Variants in ARL17B observed in about 807,000 individuals in gnomAD.
ARL17B encodes the protein ADP-ribosylation factor-like protein 17.
intron 4 of ARL17B, among the ~76,000 whole-genome samples, chr17:46,289,067 G>A (rs2049997828): frequency 6.6e-6 from 1 of 152,132 alleles, no homozygotes; most frequent in Non-Finnish European, 1.5e-5. Flanking sequence ...CTATCCTGTA[G>A]TACAACTTAC....
At chr17:46,281,593 T>G (rs1238770529) in intron 4 of ARL17B, among the ~76,000 whole-genome samples, 3 of 152,184 alleles carry the variant, frequency 2.0e-5, no homozygotes, top group African/African-American at 7.2e-5. Flanking sequence ...CTATGCCTGG[T>G]TAATTTTTAA....
chr17:46,287,957 A>C (rs2049963236), intron 4 of ARL17B, among the ~76,000 whole-genome samples: 2 of 152,236 alleles, frequency 1.3e-5, no homozygotes, highest in Non-Finnish European at 2.9e-5. Flanking sequence ...ACATCATGTC[A>C]AAGTCATAGT....
intron 4 of ARL17B, among the ~76,000 whole-genome samples, chr17:46,280,563 A>G (rs916591144): frequency 1.4e-5 from 2 of 144,774 alleles, no homozygotes; most frequent in African/African-American, 5.2e-5. Flanking sequence ...TATTTTTGAT[A>G]GCACACTTTT....
At chr17:46,290,390 T>C (rs1341301032) in intron 4 of ARL17B, among the ~76,000 whole-genome samples, 5 of 152,256 alleles carry the variant, frequency 3.3e-5, no homozygotes, top group Admixed American at 6.5e-5. Flanking sequence ...CCTTTTAGAA[T>C]GCTGGGATTA....
intron 4 of ARL17B, among the ~76,000 whole-genome samples, chr17:46,284,495 T>A (rs2696508): frequency 6.6e-6 from 1 of 152,184 alleles, no homozygotes; most frequent in Non-Finnish European, 1.5e-5. Flanking sequence ...AGAACTTTTC[T>A]TAGTACAGAA....
intron 4 of ARL17B, among the ~76,000 whole-genome samples, chr17:46,278,403 T>C (rs1189338253): frequency 7.1e-6 from 1 of 140,914 alleles, no homozygotes; most frequent in East Asian, 2.0e-4. Flanking sequence ...TTTATTTTGT[T>C]TTTTTTTTGT....
chr17:46,307,789 G>A lies in ARL17B; in HGVS notation c.260-8124C>T, dbSNP rs1283858398. ...TTCCAGCACTTTGCTGAGGTGGGTG[G>A]ATCACCTGAGGTCAGGAGTTCAAGA... On this transcript the variant is annotated intron_variant, in intron 3 of 4. Coordinates refer to the ARL17B transcript ENST00000434041. Among the ~76,000 whole-genome samples the A allele has an allele frequency of 2.5e-5, 2 of 78,958 alleles. 1 individual carries two copies. The highest frequency in any genetic ancestry group is 7.7e-5 in the Non-Finnish European group (2 of 25,816). 51.8% of individuals were successfully genotyped at this position (78,958 alleles called of 152,430 possible). A position where few individuals can be genotyped will look rare whatever the true frequency, so the allele number is the denominator to read the frequency against.
At chr17:46,332,538 G>GT (rs372321044), downstream of ARL17B, 26,767 of 1,006,674 alleles carry the variant, frequency 0.027, 66 homozygotes, top group African/African-American at 0.041. Flanking sequence ...TTTTTTGTGT[G>GT]TTTTTTTTTT....
intron 4 of ARL17B, among the ~76,000 whole-genome samples, chr17:46,278,702 G>A (rs1161791428): frequency 3.9e-5 from 6 of 152,070 alleles, no homozygotes; most frequent in Non-Finnish European, 8.8e-5. Context: ...GCACCTGGCT[G>A]AGTCCAAGTT....
At chr17:46,287,697 G>T (rs1352753759) in intron 4 of ARL17B, among the ~76,000 whole-genome samples, 1 of 152,256 alleles carries the variant, frequency 6.6e-6, no homozygotes, top group African/African-American at 2.4e-5. Context: ...AACGGGTAGG[G>T]AACGTGGAAG....
intron 3 of ARL17B, among the ~76,000 whole-genome samples, chr17:46,351,005 C>CT (rs763137840): frequency 0.03 from 539 of 18,240 alleles, 12 homozygotes; most frequent in Middle Eastern, 0.1. Context: ...TTTTTTTTCT[C>CT]TTTTTTTTTT....
intron 4 of ARL17B, among the ~76,000 whole-genome samples, chr17:46,282,456 C>T (rs1445806634): frequency 2.6e-5 from 4 of 151,300 alleles, no homozygotes; most frequent in Admixed American, 2.6e-4. Flanking sequence ...GCTGTGTCAC[C>T]CAGGCTGGGG....
At chr17:46,275,262 A>G in exon 5 of ARL17B, 1 of 508,326 alleles carries the variant, frequency 2.0e-6, no homozygotes, top group Non-Finnish European at 3.2e-6. Flanking sequence ...ACCAATAAAA[A>G]CAAAGTTTAG....
At position 46,282,631 on chromosome 17, in the gene ARL17B, A is replaced by G. The variant is rs1365557280; in HGVS notation, c.*22-7213T>C. Among the ~76,000 whole-genome samples the G allele has an allele frequency of 2.0e-5, 3 of 149,034 alleles. No individual in the cohort carries two copies. In the Admixed American group the frequency reaches 2.0e-4, roughly 10 times the overall value. On this transcript the variant is annotated intron_variant, in intron 4 of 4. Coordinates refer to the ARL17B transcript ENST00000570618. ...GAGACAAGGTCTCATACTGTGGCCC[A>G]GGCTGGTCTTGAACTCCTGGCTTCA...
chr17:46,288,285 A>C (rs1211957164), intron 4 of ARL17B, among the ~76,000 whole-genome samples: 1 of 142,672 alleles, frequency 7.0e-6, no homozygotes, highest in Non-Finnish European at 1.5e-5. Flanking sequence ...GGGACTACAG[A>C]TGTGCACCAC....
chr17:46,324,804 C>A (rs2051638637), intron 3 of ARL17B, among the ~76,000 whole-genome samples: 1 of 75,982 alleles, frequency 1.3e-5, no homozygotes, highest in Non-Finnish European at 3.9e-5. Flanking sequence ...GGCACCACTG[C>A]ACTCCAGCTT....
Position 46,328,016 on chromosome 17 carries a change from C to G in ARL17B, c.259+24804G>C, listed in dbSNP as rs1490920273. Among the ~76,000 whole-genome samples, 2 of 56,708 alleles carry G rather than the reference C, an allele frequency of 3.5e-5. 1 individual carries two copies. Among genetic ancestry groups the G allele is most frequent in the African/African-American group, 7.4e-5 (2 of 26,950 alleles). 37.2% of individuals were successfully genotyped at this position (56,708 alleles called of 152,430 possible). On this transcript the variant is annotated intron_variant, in intron 3 of 4. Coordinates refer to the ARL17B transcript ENST00000434041. Reference sequence around the variant, plus strand: ...AATTTATAATATTTCCCACTCCCAACAGGAATTGAGAAAGGGACTCCAGAA... The same window carrying G: ...AATTTATAATATTTCCCACTCCCAAGAGGAATTGAGAAAGGGACTCCAGAA...
At chr17:46,278,644 C>T (rs1199550469) in intron 4 of ARL17B, among the ~76,000 whole-genome samples, 1 of 151,986 alleles carries the variant, frequency 6.6e-6, no homozygotes. Flanking sequence ...CCTCGTGATA[C>T]ACCCGCCTCG....
chr17:46,275,253 C>A, exon 5 of ARL17B: 3 of 479,394 alleles, frequency 6.3e-6, no homozygotes, highest in Non-Finnish European at 6.9e-6. Flanking sequence ...ACTGTTATGA[C>A]CAATAAAAAC....
Sources: gnomAD v4.1 joint callset for allele counts (sites outside exome capture counted in the v4.1 genomes callset) on GRCh38, gnomAD v4.1.1 for gene constraint, MANE v1.5 for transcripts, NCBI Gene and HGNC (gene_info 2026-07-23, HGNC 2026-07-21) for gene names.